DACH2: variants seen among roughly 807,000 people sequenced by gnomAD.
DACH2 encodes dachshund family transcription factor 2, also known as dachshund homolog 2.
DACH2 carries 17 observed loss-of-function variants against 35.8 expected under a neutral mutation model. The ratio of observed to expected loss-of-function variants is 0.48; its 90% CI spans 0.33 to 0.71. The LOEUF is 0.71. Ranked by LOEUF, DACH2 falls within the 30% of genes least tolerant of loss-of-function variation. DACH2 has a pLI of 0.02. For missense variants in DACH2, 469 were observed against 472.7 expected (o/e 0.99, Z 0.07); for synonymous variants, 195 against 177.3 (o/e 1.10, Z -0.79).
At chrX:86,700,731 C>A (rs1008804883) in intron 5 of DACH2, among the ~76,000 whole-genome samples, 1 of 110,607 alleles carries the variant, frequency 9.0e-6, no homozygotes. Flanking sequence ...CCTCTGTGCA[C>A]ACAAACTGGA....
chrX:86,629,959 T>G (rs7884963), intron 3 of DACH2, among the ~76,000 whole-genome samples: 1 of 111,151 alleles, frequency 9.0e-6, no homozygotes, highest in Non-Finnish European at 1.9e-5. Context: ...AGAGAACAGA[T>G]GAACTTTATA....
chrX:86,800,130 A>G (rs1263822238), intron 7 of DACH2, among the ~76,000 whole-genome samples: 1 of 112,524 alleles, frequency 8.9e-6, no homozygotes, highest in African/African-American at 3.2e-5. Context: ...ACTGCATGAT[A>G]CATTTTTTAA....
chrX:86,506,458 A>T (rs2038324921), intron 2 of DACH2, among the ~76,000 whole-genome samples: 1 of 111,913 alleles, frequency 8.9e-6, no homozygotes, highest in Non-Finnish European at 1.9e-5. Flanking sequence ...CAGTGGCACG[A>T]TCATAGCTCA....
At chrX:86,159,598 A>G (rs1216818928) in intron 1 of DACH2, among the ~76,000 whole-genome samples, 1 of 111,863 alleles carries the variant, frequency 8.9e-6, no homozygotes, top group African/African-American at 3.2e-5. Context: ...TTTAAACATG[A>G]TATTTTCCAA....
chrX:86,436,600 G>T (rs1170240542), intron 2 of DACH2, among the ~76,000 whole-genome samples: 2 of 110,746 alleles, frequency 1.8e-5, no homozygotes, highest in African/African-American at 6.5e-5. Flanking sequence ...TTGGACTGTG[G>T]TTTTTTTCTT....
Position 86,294,936 on chromosome X carries a change from T to A in DACH2, c.489-81888T>A, listed in dbSNP as rs1289800154. Among the ~76,000 whole-genome samples, 3 of 111,417 alleles carry A rather than the reference T, an allele frequency of 2.7e-5. No homozygotes were observed. In the Admixed American group the frequency reaches 2.8e-4, roughly 11 times the overall value. ...GAGGCAGGCAGGCCTCCTTGAGCTGTGGTGGGCTCCACCCAGTTCGAGCTT... is the reference window on the plus strand; with the variant it reads ...GAGGCAGGCAGGCCTCCTTGAGCTGAGGTGGGCTCCACCCAGTTCGAGCTT... On this transcript the variant is annotated intron_variant, in intron 1 of 11. Coordinates refer to ENST00000373125, the MANE Select transcript of DACH2 (RefSeq NM_053281.3).
At chrX:86,379,272 T>A (rs2036011871) in intron 2 of DACH2, among the ~76,000 whole-genome samples, 1 of 111,422 alleles carries the variant, frequency 9.0e-6, no homozygotes, top group South Asian at 3.6e-4. Flanking sequence ...GAACTTTTGA[T>A]AGGCATTGGC....
intron 1 of DACH2, among the ~76,000 whole-genome samples, chrX:86,201,714 A>G (rs1388915047): frequency 9.0e-6 from 1 of 111,642 alleles, no homozygotes; most frequent in East Asian, 2.8e-4. Context: ...AGATTAATGT[A>G]TATTTTATTT....
chrX:86,174,227 A>G (rs187170331), intron 1 of DACH2, among the ~76,000 whole-genome samples: 2 of 105,881 alleles, frequency 1.9e-5, no homozygotes, highest in South Asian at 8.7e-4. Flanking sequence ...AGCTCAAGCG[A>G]TCATACTGCC....
intron 3 of DACH2, among the ~76,000 whole-genome samples, chrX:86,646,396 C>A (rs2040415717): frequency 9.1e-6 from 1 of 110,226 alleles, no homozygotes; most frequent in Non-Finnish European, 1.9e-5. Context: ...CACCAATACA[C>A]AATATATCCA....
At chrX:86,756,644 T>C (rs2041832489) in intron 7 of DACH2, among the ~76,000 whole-genome samples, 1 of 111,350 alleles carries the variant, frequency 9.0e-6, no homozygotes, top group East Asian at 2.8e-4. Context: ...GTGAAATCTT[T>C]AGGTTTTTTG....
intron 1 of DACH2, among the ~76,000 whole-genome samples, chrX:86,324,786 C>T (rs1204407480): frequency 9.2e-6 from 1 of 108,132 alleles, no homozygotes; most frequent in Non-Finnish European, 1.9e-5. Flanking sequence ...ACTGTGTTAG[C>T]CAGGATGGTC....
chrX:86,296,380 CAAAAAAAAAAAAAAAA>C (rs61713614), intron 1 of DACH2, among the ~76,000 whole-genome samples: 35 of 68,441 alleles, frequency 5.1e-4, no homozygotes, highest in African/African-American at 1.7e-3. Context: ...GACTCCATCT[CAAAAAAAAAAAAAAAA>C]AAAAAAAAAA....
At chrX:86,390,381 G>GA (rs1203290647) in intron 2 of DACH2, among the ~76,000 whole-genome samples, 2 of 111,118 alleles carry the variant, frequency 1.8e-5, no homozygotes, top group African/African-American at 3.3e-5. Context: ...GAGAAGGGGA[G>GA]AGGGAGTGCA....
Position 86,309,253 on chromosome X carries a change from T to C in DACH2, c.489-67571T>C, listed in dbSNP as rs182520961. 4.1e-3 allele frequency among the ~76,000 whole-genome samples: 456 copies of C among 112,174 alleles called. 2 individuals carry two copies. Among genetic ancestry groups the C allele is most frequent in the African/African-American group, 0.014 (432 of 30,917 alleles). ...GGAGAATGACAGTGGATTACTGTAATCTTAACCAAGTGGTGACTCCAATTG... is the reference window on the plus strand; with the variant it reads ...GGAGAATGACAGTGGATTACTGTAACCTTAACCAAGTGGTGACTCCAATTG... On this transcript the variant is annotated intron_variant, in intron 1 of 11. Coordinates refer to ENST00000373125, the MANE Select transcript of DACH2 (RefSeq NM_053281.3).
At chrX:86,765,377 C>A (rs1430544999) in intron 7 of DACH2, among the ~76,000 whole-genome samples, 1 of 111,377 alleles carries the variant, frequency 9.0e-6, no homozygotes, top group Non-Finnish European at 1.9e-5. Context: ...TTAACACTTA[C>A]ATTTTTAATC....
At chrX:86,338,777 G>A (rs2035363880) in intron 1 of DACH2, among the ~76,000 whole-genome samples, 1 of 111,454 alleles carries the variant, frequency 9.0e-6, no homozygotes, top group Admixed American at 9.6e-5. Flanking sequence ...ATGAATCCAG[G>A]AGCTGGTTTT....
chrX:86,588,421 G>A (rs892512462), intron 3 of DACH2, among the ~76,000 whole-genome samples: 2 of 111,850 alleles, frequency 1.8e-5, no homozygotes, highest in Non-Finnish European at 3.8e-5. Context: ...TAGCTTTATA[G>A]GAAGAACATT....
chrX:86,586,409 C>G (rs1400530837), intron 3 of DACH2, among the ~76,000 whole-genome samples: 2 of 111,416 alleles, frequency 1.8e-5, no homozygotes, highest in African/African-American at 6.5e-5. Flanking sequence ...GAAAAGCTCT[C>G]TAGTTTAATT....
Sources: gnomAD v4.1 joint callset for allele counts (sites outside exome capture counted in the v4.1 genomes callset) on GRCh38, gnomAD v4.1.1 for gene constraint, MANE v1.5 for transcripts, NCBI Gene and HGNC (gene_info 2026-07-23, HGNC 2026-07-21) for gene names.